The following HSF2BP variants were observed in gnomAD, a reference collection of about 807,000 sequenced individuals.
HSF2BP encodes heat shock factor 2-binding protein.
Under a neutral mutation model 35.0 loss-of-function variants are expected in HSF2BP, and 35 were observed. The observed-to-expected ratio is 1.00, with a 90% confidence interval of 0.76 to 1.32. The LOEUF is 1.32. HSF2BP is among the 40% of genes most tolerant of loss of function. The pLI is 0.00. For missense variants in HSF2BP, 326 were observed against 321.7 expected, an observed-to-expected ratio of 1.01 and a Z score of -0.10; for synonymous variants, 114 against 117.4, an observed-to-expected ratio of 0.97 and a Z score of 0.18.
chr21:43,658,113 G>A lies in HSF2BP; in HGVS notation c.-17C>T, dbSNP rs1330248469. 5 of 1,528,028 alleles carry A rather than the reference G, an allele frequency of 3.3e-6. No homozygotes were observed. In the African/African-American group the frequency reaches 4.1e-5, roughly 13 times the overall value. The allele number at this position is 1,528,028 out of a possible 1,614,324, so 94.7% of individuals were successfully genotyped here. On this transcript the variant is annotated 5_prime_UTR_variant, in exon 2 of 9. Transcript: ENST00000291560. Reference sequence around the variant, plus strand: ...TTCGCCCATGGCCGCTGCCGCCTCCGCTCCGTTCGCCTGAGCGTCGGCGCG... The same window carrying A: ...TTCGCCCATGGCCGCTGCCGCCTCCACTCCGTTCGCCTGAGCGTCGGCGCG...
At chr21:43,595,885 C>G (rs2081980961) in intron 7 of HSF2BP, among the ~76,000 whole-genome samples, 1 of 151,476 alleles carries the variant, frequency 6.6e-6, no homozygotes, top group Non-Finnish European at 1.5e-5. Context: ...CCACCACACC[C>G]AGCTAATTGT....
chr21:43,652,888 G>A (rs1380814903), intron 3 of HSF2BP, among the ~76,000 whole-genome samples: 1 of 151,834 alleles, frequency 6.6e-6, no homozygotes, highest in Non-Finnish European at 1.5e-5. Context: ...GTAATCCAGT[G>A]CTTTGGGAGG....
intron 7 of HSF2BP, among the ~76,000 whole-genome samples, chr21:43,596,256 G>A (rs77156387): frequency 0.041 from 6,229 of 151,994 alleles, 438 homozygotes; most frequent in African/African-American, 0.14. Flanking sequence ...TTTTTAAGTA[G>A]GTTTTAAAAC....
chr21:43,645,192 T>A (rs939521414), intron 3 of HSF2BP, among the ~76,000 whole-genome samples: 1 of 152,206 alleles, frequency 6.6e-6, no homozygotes, highest in Non-Finnish European at 1.5e-5. Flanking sequence ...TGGTCTAACT[T>A]CTTTGATTAA....
intron 4 of HSF2BP, among the ~76,000 whole-genome samples, chr21:43,637,083 G>T (rs1440342973): frequency 1.3e-5 from 2 of 151,882 alleles, no homozygotes; most frequent in African/African-American, 2.4e-5. Flanking sequence ...GGGGCCAGGA[G>T]TTCGAGACCA....
At position 43,612,520 on chromosome 21, in the gene HSF2BP, G is replaced by A. The variant is rs568693395; in HGVS notation, c.692+1310C>T. Among the ~76,000 whole-genome samples, 91 of 152,152 alleles carry A rather than the reference G, an allele frequency of 6.0e-4. 1 individual carries two copies. The highest frequency in any genetic ancestry group is 3.4e-3 in the Middle Eastern group (1 of 294). On this transcript the variant is annotated intron_variant, in intron 7 of 8. Transcript: ENST00000291560. ...CAAAAAATTAGCTGGGCGTGGTGGC[G>A]GGCGCCTGTAGTCCCAGCTACTTGG... is the stretch of plus-strand genomic sequence containing the variant.
intron 7 of HSF2BP, among the ~76,000 whole-genome samples, chr21:43,595,396 G>A (rs2081971995): frequency 6.6e-6 from 1 of 152,078 alleles, no homozygotes; most frequent in Non-Finnish European, 1.5e-5. Context: ...CAGTGGCTCA[G>A]GCTTATCATC....
intron 6 of HSF2BP, among the ~76,000 whole-genome samples, chr21:43,627,381 T>G (rs2082402976): frequency 6.6e-6 from 1 of 152,200 alleles, no homozygotes; most frequent in South Asian, 2.1e-4. Flanking sequence ...GGCTTTTACT[T>G]TAGCTAGCCA....
chr21:43,634,697 A>T (rs2082528663), intron 4 of HSF2BP, among the ~76,000 whole-genome samples: 1 of 152,170 alleles, frequency 6.6e-6, no homozygotes, highest in South Asian at 2.1e-4. Context: ...ATATGCACAC[A>T]TGTATTTAAG....
chr21:43,631,912 C>T (rs1252214056), intron 5 of HSF2BP, among the ~76,000 whole-genome samples: 2 of 150,500 alleles, frequency 1.3e-5, no homozygotes, highest in African/African-American at 2.5e-5. Context: ...CACACACCCA[C>T]ACGCTCCCAC....
chr21:43,650,406 C>T (rs915403362), intron 3 of HSF2BP, among the ~76,000 whole-genome samples: 1 of 152,074 alleles, frequency 6.6e-6, no homozygotes, highest in Non-Finnish European at 1.5e-5. Context: ...AGGGTTTCGC[C>T]ATGTTAGCCA....
At chr21:43,617,708 C>G (rs929832795) in intron 6 of HSF2BP, among the ~76,000 whole-genome samples, 3 of 151,972 alleles carry the variant, frequency 2.0e-5, no homozygotes, top group African/African-American at 7.3e-5. Flanking sequence ...AATCCCAGTA[C>G]TTTCAGAGGC....
chr21:43,636,238 GAAA>G (rs2082555299), intron 4 of HSF2BP, among the ~76,000 whole-genome samples: 1 of 120,374 alleles, frequency 8.3e-6, no homozygotes, highest in Non-Finnish European at 1.6e-5. Context: ...GAAAAGAAAA[GAAA>G]AGAAAAGAAA....
intron 5 of HSF2BP, among the ~76,000 whole-genome samples, chr21:43,631,231 T>G (rs1300061112): frequency 1.3e-5 from 2 of 152,200 alleles, no homozygotes; most frequent in Non-Finnish European, 1.5e-5. Context: ...TTATTTCTAT[T>G]AGCAGTAACT....
At chr21:43,625,534 T>C (rs1231811470) in intron 6 of HSF2BP, among the ~76,000 whole-genome samples, 1 of 151,774 alleles carries the variant, frequency 6.6e-6, no homozygotes, top group Non-Finnish European at 1.5e-5. Flanking sequence ...TGTAGAAATT[T>C]ACAGAACTGC....
At chr21:43,638,573 G>C (rs2082595230) in intron 4 of HSF2BP, among the ~76,000 whole-genome samples, 1 of 152,146 alleles carries the variant, frequency 6.6e-6, no homozygotes, top group Admixed American at 6.6e-5. Context: ...ATACAAATGT[G>C]TATGCTGAAA....
At chr21:43,656,536 G>A in intron 3 of HSF2BP, 51 bp downstream of exon 3, 1 of 1,542,678 alleles carries the variant, frequency 6.5e-7, no homozygotes, top group South Asian at 1.2e-5. Context: ...GGGTAAATCT[G>A]CTAGAACAAA....
intron 3 of HSF2BP, among the ~76,000 whole-genome samples, chr21:43,648,402 C>G (rs2147100294): frequency 6.6e-6 from 1 of 152,332 alleles, no homozygotes; most frequent in South Asian, 2.1e-4. Context: ...AGCATCTTGT[C>G]TGGAGCAACG....
chr21:43,582,118 G>A (rs1320834783), intron 8 of HSF2BP, among the ~76,000 whole-genome samples: 5 of 118,714 alleles, frequency 4.2e-5, no homozygotes, highest in Non-Finnish European at 6.9e-5. Context: ...TGGGGAATGA[G>A]GCCCTGCTGT....
Sources: gnomAD v4.1 joint callset for allele counts (sites outside exome capture counted in the v4.1 genomes callset) on GRCh38, gnomAD v4.1.1 for gene constraint, MANE v1.5 for transcripts, NCBI Gene and HGNC (gene_info 2026-07-23, HGNC 2026-07-21) for gene names.